Variants in ELOVL6 observed in about 807,000 individuals in gnomAD.
ELOVL6 encodes the protein ELOVL fatty acid elongase 6, also known as very long chain fatty acid elongase 6.
In ELOVL6, 8 loss-of-function variants were observed where a neutral mutation model predicts 31.7. The ratio of observed to expected loss-of-function variants is 0.25; its 90% CI spans 0.15 to 0.45. ELOVL6 has a LOEUF of 0.45. Among genes scored for constraint, ELOVL6 ranks in the 20% least tolerant of loss-of-function variants. ELOVL6 has a pLI of 1.00. For missense variants in ELOVL6, 126 were observed against 326.4 expected (o/e 0.39, Z 4.73); for synonymous variants, 101 against 117.7 (o/e 0.86, Z 0.92).
rs1560813599 is a variant in ELOVL6, at chr4:110,084,027, C to CATATATCAT, written c.221+21469_221+21470insATGATATAT. Among the ~76,000 whole-genome samples the CATATATCAT allele has an allele frequency of 6.0e-3, 43 of 7,206 alleles. 4 individuals are homozygous for CATATATCAT. The highest frequency in any genetic ancestry group is 0.021 in the African/African-American group (41 of 1,958). The allele number at this position is 7,206 out of a possible 152,430, so 4.7% of individuals were successfully genotyped here. ...GCCATATATGGTATATAACATATGC[C>CATATATCAT]ATATATGGTATATAACACATGCTAT... On this transcript the variant is annotated intron_variant, in intron 2 of 3. Transcript: ENST00000302274.
At chr4:110,090,606 T>TGTTTTTTTTTTTTTG (rs201689820) in intron 2 of ELOVL6, among the ~76,000 whole-genome samples, 1 of 139,930 alleles carries the variant, frequency 7.1e-6, no homozygotes, top group South Asian at 2.3e-4. Flanking sequence ...CTTTCTTTTT[T>TGTTTTTTTTTTTTTG]TTTTTTTTTT....
At chr4:110,128,651 C>T (rs951980179) in intron 1 of ELOVL6, among the ~76,000 whole-genome samples, 1 of 152,188 alleles carries the variant, frequency 6.6e-6, no homozygotes, top group African/African-American at 2.4e-5. Flanking sequence ...TGAAGTCCAT[C>T]GAGTGCCTTC....
chr4:110,080,660 C>A (rs1578461612), intron 2 of ELOVL6, among the ~76,000 whole-genome samples: 1 of 152,142 alleles, frequency 6.6e-6, no homozygotes. Flanking sequence ...AAACTGTAAG[C>A]ATTCCCTTTG....
chr4:110,063,573 G>C (rs1006326443), intron 2 of ELOVL6, among the ~76,000 whole-genome samples: 1 of 152,154 alleles, frequency 6.6e-6, no homozygotes, highest in Non-Finnish European at 1.5e-5. Context: ...AGGGCTTGAA[G>C]GAGAGGCTGT....
At chr4:110,102,909 T>C (rs1756788918) in intron 2 of ELOVL6, among the ~76,000 whole-genome samples, 2 of 98,746 alleles carry the variant, frequency 2.0e-5, no homozygotes, top group South Asian at 7.5e-4. Context: ...TTCCCACGTG[T>C]TGTGGGAGGG....
Position 110,071,042 on chromosome 4 carries a change from G to A in ELOVL6, c.222-11288C>T, listed in dbSNP as rs564662390. ...CCAACCCAACTAACTAAAAACCAGG[G>A]AGGGAAAAAAGTCATTTTGACCCTC... On this transcript the variant is annotated intron_variant, in intron 2 of 3. Coordinates refer to ENST00000302274, the MANE Select transcript of ELOVL6 (RefSeq NM_024090.3). Among the ~76,000 whole-genome samples the A allele has an allele frequency of 2.6e-5, 4 of 152,150 alleles. No homozygotes were observed. In the East Asian group the frequency reaches 5.8e-4, roughly 22 times the overall value.
chr4:110,050,549 T>G lies in ELOVL6; in HGVS notation c.*789A>C, dbSNP rs1172829243. ...AAAGGATAATGCTTCATATCTCACT[T>G]AAGAGTAGAAATTACAGTTCAACTA... On this transcript the variant is annotated 3_prime_UTR_variant, in exon 4 of 4. Transcript: ENST00000302274. 1.3e-5 allele frequency: 2 copies of G among 152,264 alleles called. No individual in the cohort carries two copies. Among genetic ancestry groups the G allele is most frequent in the Non-Finnish European group, 2.9e-5 (2 of 68,050 alleles). 9.4% of individuals were successfully genotyped at this position (152,264 alleles called of 1,614,324 possible). A position where few individuals can be genotyped will look rare whatever the true frequency, so the allele number is the denominator to read the frequency against.
chr4:110,168,497 C>T (rs1025499167), intron 1 of ELOVL6, among the ~76,000 whole-genome samples: 4 of 150,790 alleles, frequency 2.7e-5, no homozygotes, highest in African/African-American at 7.3e-5. Context: ...CCAGCCTGGG[C>T]GACAGAGCAA....
intron 2 of ELOVL6, among the ~76,000 whole-genome samples, chr4:110,079,331 T>C (rs1755758668): frequency 1.3e-5 from 2 of 152,314 alleles, no homozygotes; most frequent in African/African-American, 2.4e-5. Context: ...ATTGACTGCA[T>C]AGTTGGAAGT....
intron 1 of ELOVL6, among the ~76,000 whole-genome samples, chr4:110,149,435 A>C (rs1758221799): frequency 6.6e-6 from 1 of 152,218 alleles, no homozygotes; most frequent in East Asian, 1.9e-4. Flanking sequence ...TACACAATGA[A>C]TACTACTCAG....
intron 1 of ELOVL6, among the ~76,000 whole-genome samples, chr4:110,174,019 GATAA>G (rs1759028666): frequency 6.6e-6 from 1 of 151,586 alleles, no homozygotes; most frequent in African/African-American, 2.4e-5. Flanking sequence ...AAAAAAGCAA[GATAA>G]ATATTCGTTG....
chr4:110,068,605 T>C (rs1347090873), intron 2 of ELOVL6, among the ~76,000 whole-genome samples: 1 of 152,196 alleles, frequency 6.6e-6, no homozygotes, highest in Non-Finnish European at 1.5e-5. Flanking sequence ...ACCTAAGCTT[T>C]TTAAACATAA....
intron 2 of ELOVL6, among the ~76,000 whole-genome samples, chr4:110,097,305 C>CAAAAAAAA (rs33970271): frequency 1.0e-4 from 9 of 88,674 alleles, no homozygotes; most frequent in African/African-American, 3.2e-4. Flanking sequence ...ACTCCATCTC[C>CAAAAAAAA]AAAAAAAAAA....
At position 110,084,569 on chromosome 4, in the gene ELOVL6, T is replaced by G. The variant is rs1195019695; in HGVS notation, c.221+20928A>C. On this transcript the variant is annotated intron_variant, in intron 2 of 3. Transcript: ENST00000302274. ...ACACACACACACACACACAGATATA[T>G]ATATATATATATATATATATTTTTT... is the stretch of plus-strand genomic sequence containing the variant. Among the ~76,000 whole-genome samples, 76 of 37,288 alleles carry G rather than the reference T, an allele frequency of 2.0e-3. 1 individual carries two copies. Among genetic ancestry groups the G allele is most frequent in the Middle Eastern group, 0.011 (1 of 92 alleles). The allele number at this position is 37,288 out of a possible 152,430, so 24.5% of individuals were successfully genotyped here.
At chr4:110,189,352 C>T (rs542160639) in intron 1 of ELOVL6, among the ~76,000 whole-genome samples, 4 of 150,646 alleles carry the variant, frequency 2.7e-5, no homozygotes, top group East Asian at 2.0e-4. Flanking sequence ...TTTGGGAGGC[C>T]GAGGTGGGCG....
chr4:110,046,314 T>C lies in ELOVL6; in HGVS notation c.*5024A>G, dbSNP rs1417054434. ...TGGGACCAGTTATTAATTTAACCAGTTACTTCAGAAGAGGTTACTACAATG... is the reference window on the plus strand; with the variant it reads ...TGGGACCAGTTATTAATTTAACCAGCTACTTCAGAAGAGGTTACTACAATG... On this transcript the variant is annotated 3_prime_UTR_variant, in exon 4 of 4. Transcript: ENST00000302274. The C allele has an allele frequency of 6.6e-6, 1 of 152,186 alleles. No homozygotes were observed. Among genetic ancestry groups the C allele is most frequent in the Non-Finnish European group, 1.5e-5 (1 of 68,040 alleles). The allele number at this position is 152,186 out of a possible 1,614,324, so 9.4% of individuals were successfully genotyped here.
Position 110,087,998 on chromosome 4 carries a change from A to AT in ELOVL6, c.221+17498dup, listed in dbSNP as rs369037513. Among the ~76,000 whole-genome samples the AT allele has an allele frequency of 8.2e-3, 1,242 of 152,300 alleles. 15 individuals are homozygous for AT. The highest frequency in any genetic ancestry group is 0.028 in the African/African-American group (1,150 of 41,572). On this transcript the variant is annotated intron_variant, in intron 2 of 3. Coordinates refer to ENST00000302274, the MANE Select transcript of ELOVL6 (RefSeq NM_024090.3). ...GGTTACAAATACGTGGTTTTACTAC[A>AT]TTTTTGAAGAGTGTTTTAAATTGCA...
At chr4:110,128,402 G>T (rs992860020) in intron 1 of ELOVL6, among the ~76,000 whole-genome samples, 1 of 152,200 alleles carries the variant, frequency 6.6e-6, no homozygotes, top group Non-Finnish European at 1.5e-5. Flanking sequence ...GGTTTTAAAT[G>T]AATGAAGTCA....
chr4:110,137,461 G>A (rs1473233334), intron 1 of ELOVL6, among the ~76,000 whole-genome samples: 1 of 152,134 alleles, frequency 6.6e-6, no homozygotes, highest in African/African-American at 2.4e-5. Context: ...TGGTGAAGGG[G>A]CCATTTTCAG....
Sources: gnomAD v4.1 joint callset for allele counts (sites outside exome capture counted in the v4.1 genomes callset) on GRCh38, gnomAD v4.1.1 for gene constraint, MANE v1.5 for transcripts, NCBI Gene and HGNC (gene_info 2026-07-23, HGNC 2026-07-21) for gene names.